CDC16: variants seen among roughly 807,000 people sequenced by gnomAD.
CDC16 encodes cell division cycle 16, also known as cell division cycle protein 16 homolog.
CDC16 carries 34 observed loss-of-function variants against 87.0 expected under a neutral mutation model. That is an observed-to-expected ratio of 0.39 (90% CI 0.30 to 0.52). CDC16 has a LOEUF of 0.52. CDC16 is among the 20% of genes least tolerant of loss of function. CDC16 has a pLI of 0.74. For synonymous variants in CDC16, 263 were observed against 260.6 expected, an observed-to-expected ratio of 1.01 and a Z score of -0.09; for missense variants, 653 against 751.9, an observed-to-expected ratio of 0.87 and a Z score of 1.54.
At chr13:114,264,038 T>C (rs1467359166) in intron 16 of CDC16, among the ~76,000 whole-genome samples, 1 of 152,058 alleles carries the variant, frequency 6.6e-6, no homozygotes, top group African/African-American at 2.4e-5. Flanking sequence ...TATGAGAAAA[T>C]TTATCAAAGA....
intron 3 of CDC16, 79 bp downstream of exon 3, chr13:114,236,975 C>G: frequency 2.3e-6 from 2 of 855,160 alleles, no homozygotes; most frequent in Non-Finnish European, 3.5e-6. Flanking sequence ...GTGGCTTACA[C>G]CTGTAATCCC....
intron 6 of CDC16, 40 bp downstream of exon 6, chr13:114,242,320 A>G: frequency 6.3e-7 from 1 of 1,583,802 alleles, no homozygotes; most frequent in Non-Finnish European, 8.6e-7. Context: ...GTTTAGCAAA[A>G]TTAATATTGT....
intron 12 of CDC16, among the ~76,000 whole-genome samples, chr13:114,254,974 A>G (rs1463632518): frequency 1.3e-5 from 2 of 152,240 alleles, no homozygotes; most frequent in South Asian, 2.1e-4. Context: ...ACCTCTTATC[A>G]TAACCCAGAC....
intron 11 of CDC16, among the ~76,000 whole-genome samples, chr13:114,248,622 A>G (rs2081989603): frequency 6.6e-6 from 1 of 152,022 alleles, no homozygotes; most frequent in South Asian, 2.1e-4. Flanking sequence ...TGGAGGTTGT[A>G]GTGAGCTGAG....
chr13:114,251,355 A>G (rs1050086443), intron 12 of CDC16, among the ~76,000 whole-genome samples: 1 of 152,224 alleles, frequency 6.6e-6, no homozygotes, highest in Admixed American at 6.5e-5. Flanking sequence ...TAGGAATAAT[A>G]GCAAAATTTA....
chr13:114,270,149 C>T (rs2083517432), intron 17 of CDC16, among the ~76,000 whole-genome samples: 2 of 152,132 alleles, frequency 1.3e-5, no homozygotes, highest in Admixed American at 6.5e-5. Context: ...GTAATTGGCT[C>T]ACAGTTCTGC....
chr13:114,258,825 C>T (rs1197257890), intron 13 of CDC16, among the ~76,000 whole-genome samples: 2 of 151,954 alleles, frequency 1.3e-5, no homozygotes, highest in Non-Finnish European at 2.9e-5. Context: ...TGGTTGGGTG[C>T]GGTGGCTCCC....
chr13:114,238,408 G>A (rs1445791568), intron 3 of CDC16, among the ~76,000 whole-genome samples: 5 of 146,960 alleles, frequency 3.4e-5, no homozygotes, highest in Admixed American at 2.0e-4. Flanking sequence ...CGAGCTCCTC[G>A]GACGCCCAGC....
chr13:114,244,914 T>C lies in CDC16; in HGVS notation c.792T>C (p.His264=), dbSNP rs767945334. The C allele has an allele frequency of 3.1e-6, 5 of 1,611,518 alleles. No individual in the cohort carries two copies. In the South Asian group the frequency reaches 5.5e-5, roughly 18 times the overall value. ...GAGTAATGGAGAAAGATCCTTTCCA[T>C]GCAAGTTGTTTACCTGTACATATAG... ...TSVVMEKDPF[H]ASCLPVHIGT... The change falls in exon 9 of 18, where the codon CAT becomes CAC. Residue 264 remains histidine, a synonymous_variant. Coordinates refer to ENST00000356221, the MANE Select transcript of CDC16 (RefSeq NM_001078645.3).
At chr13:114,253,491 A>T (rs1445311155) in intron 12 of CDC16, among the ~76,000 whole-genome samples, 2 of 152,066 alleles carry the variant, frequency 1.3e-5, no homozygotes, top group African/African-American at 2.4e-5. Flanking sequence ...GGAGTTCAAG[A>T]CCAGCCTGGC....
chr13:114,259,454 TA>T, intron 14 of CDC16, 56 bp downstream of exon 14: 1 of 948,676 alleles, frequency 1.1e-6, no homozygotes, highest in Non-Finnish European at 1.5e-6. Flanking sequence ...TGTTTACTGT[TA>T]AATGAGGAAA....
intron 4 of CDC16, 159 bp downstream of exon 4, chr13:114,239,187 T>C (rs2081415045): frequency 4.3e-6 from 6 of 1,401,284 alleles, no homozygotes; most frequent in East Asian, 4.7e-5. Flanking sequence ...TATAAAATAC[T>C]GATTCTTCGT....
chr13:114,251,064 G>T (rs1161527780), intron 12 of CDC16, among the ~76,000 whole-genome samples: 1 of 152,198 alleles, frequency 6.6e-6, no homozygotes, highest in Non-Finnish European at 1.5e-5. Flanking sequence ...CAGTATTCTA[G>T]ATTTATATCA....
intron 11 of CDC16, among the ~76,000 whole-genome samples, chr13:114,247,492 T>C (rs536306802): frequency 5.7e-4 from 86 of 152,162 alleles, no homozygotes; most frequent in African/African-American, 2.0e-3. Context: ...TTCAAGTGGT[T>C]TGTTCTTTAT....
chr13:114,244,127 C>T, intron 8 of CDC16, 138 bp downstream of exon 8: 1 of 598,562 alleles, frequency 1.7e-6, no homozygotes, highest in Non-Finnish European at 2.9e-6. Flanking sequence ...GAGCACTGAA[C>T]AGGGTGCTGT....
In CDC16 at chr13:114,239,456, A is replaced by T. The variant is rs1431770152; in HGVS notation, c.347A>T (p.Asp116Val). The T allele has an allele frequency of 6.2e-7, 1 of 1,613,036 alleles. No homozygotes were observed. Among genetic ancestry groups the T allele is most frequent in the South Asian group, 1.1e-5 (1 of 91,012 alleles). Residue 116 changes from aspartate (D) to valine (V), a missense_variant, in exon 5 of 18, where the codon GAT (aspartate) becomes GTT (valine). By Grantham distance (152) the Asp-to-Val change is radical (BLOSUM62 -3). Transcript: ENST00000356221. Reference protein sequence around the residue: ...KYLKDESGFKDPSSDWEMSQS... With the variant: ...KYLKDESGFKVPSSDWEMSQS... ...TTGAAGGACGAAAGTGGCTTCAAAG[A>T]TCCTTCCAGCGACTGGGAAATGTCA...
intron 3 of CDC16, among the ~76,000 whole-genome samples, chr13:114,237,200 A>T (rs1216222899): frequency 6.6e-6 from 1 of 151,890 alleles, no homozygotes; most frequent in African/African-American, 2.4e-5. Context: ...TCCAGCCTGG[A>T]CAACAGAGCA....
At chr13:114,242,858 G>T (rs2081624145) in intron 6 of CDC16, among the ~76,000 whole-genome samples, 1 of 152,210 alleles carries the variant, frequency 6.6e-6, no homozygotes, top group African/African-American at 2.4e-5. Context: ...GATGTTGTTT[G>T]TCACAGCTTA....
chr13:114,245,271 C>CT lies in CDC16; in HGVS notation c.847+314dup, dbSNP rs57962178. ...GGGTGTCAGTTCTGCCTCCCCCCCCCTTTTTTTTTTTTGTAAATTCCACTG... is the reference window on the plus strand; with the variant it reads ...GGGTGTCAGTTCTGCCTCCCCCCCCCTTTTTTTTTTTTTGTAAATTCCACTG... On this transcript the variant is annotated intron_variant, in intron 9 of 17. Transcript: ENST00000356221. Among the ~76,000 whole-genome samples the CT allele has an allele frequency of 5.6e-3, 789 of 141,910 alleles. 2 individuals are homozygous for CT. Among genetic ancestry groups the CT allele is most frequent in the Non-Finnish European group, 6.6e-3 (429 of 65,138 alleles). The allele number at this position is 141,910 out of a possible 152,430, so 93.1% of individuals were successfully genotyped here. A position where few individuals can be genotyped will look rare whatever the true frequency, so the allele number is the denominator to read the frequency against.
Sources: allele counts gnomAD v4.1 joint callset (sites outside exome capture counted in the v4.1 genomes callset), GRCh38; gene constraint gnomAD v4.1.1; transcripts MANE v1.5; gene names NCBI Gene and HGNC (gene_info 2026-07-23, HGNC 2026-07-21).